USH2A: variants seen among roughly 807,000 people sequenced by gnomAD.
The protein encoded by USH2A is Usher syndrome 2A (autosomal recessive, mild).
In USH2A, 443 loss-of-function variants were observed where a neutral mutation model predicts 538.9. The observed-to-expected ratio is 0.82, with a 90% CI of 0.76 to 0.89. The LOEUF is 0.89. Among genes scored for constraint, USH2A ranks in the 40% least tolerant of loss-of-function variants. USH2A has a pLI of 0.00. For synonymous variants in USH2A, 2,413 were observed against 2,273.5 expected (o/e 1.06, Z -1.75); for missense variants, 6,633 against 6,324.8 (o/e 1.05, Z -1.65).
intron 61 of USH2A, among the ~76,000 whole-genome samples, chr1:215,683,240 C>T (rs1360745206): frequency 1.6e-4 from 4 of 25,030 alleles, no homozygotes; most frequent in African/African-American, 3.4e-4. Context: ...CACACACACA[C>T]ACACACACAC....
intron 60 of USH2A, among the ~76,000 whole-genome samples, chr1:215,729,240 A>T (rs894902326): frequency 2.0e-5 from 3 of 152,196 alleles, no homozygotes; most frequent in African/African-American, 7.2e-5. Flanking sequence ...GGAAGTCCAC[A>T]GTTCCTATTT....
chr1:215,979,126 T>C (rs1445372940), intron 35 of USH2A, among the ~76,000 whole-genome samples: 2 of 152,176 alleles, frequency 1.3e-5, no homozygotes, highest in Non-Finnish European at 2.9e-5. Context: ...ATGTTTTACA[T>C]GGCAGCAGGT....
In USH2A at chr1:216,078,074, C is replaced by G. The variant is rs17026052; in HGVS notation, c.5572+15G>C. The G allele has an allele frequency of 6.2e-7, 1 of 1,613,358 alleles. No individual in the cohort carries two copies. The stretch of plus-strand genomic sequence containing the variant: ...GGGCTGTATGGATTTGTGAATTCCT[C>G]CAGATGGAACTTACCTTGTTCCAAA... On this transcript the variant is annotated intron_variant, in intron 27 of 71. Transcript: ENST00000307340.
In USH2A at chr1:215,674,935, A is replaced by G. The variant is rs1487800939; in HGVS notation, c.12976T>C (p.Phe4326Leu). Residue 4326 changes from phenylalanine (F) to leucine (L), a missense_variant, in exon 63 of 72, where the codon TTT (phenylalanine) becomes CTT (leucine). Physicochemically the swap from Phe to Leu is conservative, Grantham distance 22 (BLOSUM62 0). Coordinates refer to ENST00000307340, the MANE Select transcript of USH2A (RefSeq NM_206933.4). The stretch of plus-strand genomic sequence containing the variant: ...TGGAGTGCATAGCTATAGGTGGAAA[A>G]AGGAAGAAGCTCTTCATCAGTGTAA... The part of the protein sequence containing the change: ...FNYTDEELLP[F>L]STYSYALQAC... The G allele has an allele frequency of 1.2e-5, 20 of 1,614,064 alleles. No individual in the cohort carries two copies. The highest frequency in any genetic ancestry group is 1.4e-5 in the Non-Finnish European group (17 of 1,180,038).
rs1373377191 is a variant in USH2A at position 216,423,442 on chromosome 1, T to C, written c.-433A>G. The C allele has an allele frequency of 1.3e-5, 2 of 152,166 alleles. No individual in the cohort carries two copies. Among genetic ancestry groups the C allele is most frequent in the African/African-American group, 4.8e-5 (2 of 41,442 alleles). 9.4% of individuals were successfully genotyped at this position (152,166 alleles called of 1,614,324 possible). On this transcript the variant is annotated 5_prime_UTR_variant, in exon 1 of 72. Transcript: ENST00000307340. Reference sequence around the variant, plus strand: ...AGCGTGGTCTGCTTGGTGGCCCTCTTGGAACTGAGCTGCCCAAGCTTTCCG... The same window carrying C: ...AGCGTGGTCTGCTTGGTGGCCCTCTCGGAACTGAGCTGCCCAAGCTTTCCG...
At chr1:216,301,926 C>T (rs2037223434) in intron 9 of USH2A, among the ~76,000 whole-genome samples, 2 of 152,238 alleles carry the variant, frequency 1.3e-5, no homozygotes. Context: ...TCAAGGCTTC[C>T]CCTTTCCTCT....
At chr1:215,770,661 G>A (rs1396500229) in intron 55 of USH2A, among the ~76,000 whole-genome samples, 2 of 152,062 alleles carry the variant, frequency 1.3e-5, no homozygotes, top group Non-Finnish European at 2.9e-5. Context: ...TGTACTACTA[G>A]TTGGCCCTCT....
In USH2A at chr1:216,023,459, C is replaced by CAAAAAAAAAAAAAAAAAAAAAAAA; in HGVS notation, c.6326-22898_6326-22897insTTTTTTTTTTTTTTTTTTTTTTTT. ...CCTCTTAAAAACTGTTCAAAGCAGA[C>CAAAAAAAAAAAAAAAAAAAAAAAA]AAAAAAAAAAAAAAAAAAAAAAATC... On this transcript the variant is annotated intron_variant, in intron 32 of 71. Transcript: ENST00000307340. Among the ~76,000 whole-genome samples, 74 of 46,928 alleles carry CAAAAAAAAAAAAAAAAAAAAAAAA rather than the reference C, an allele frequency of 1.6e-3. 1 individual carries two copies. The highest frequency in any genetic ancestry group is 2.8e-3 in the Admixed American group (9 of 3,254). The allele number at this position is 46,928 out of a possible 152,430, so 30.8% of individuals were successfully genotyped here.
chr1:216,333,998 C>A (rs1481774230), intron 4 of USH2A, among the ~76,000 whole-genome samples: 1 of 151,804 alleles, frequency 6.6e-6, no homozygotes, highest in Non-Finnish European at 1.5e-5. Flanking sequence ...TATTAGAGAG[C>A]AATGTAATCC....
intron 11 of USH2A, among the ~76,000 whole-genome samples, chr1:216,254,096 T>C (rs2036214673): frequency 6.6e-6 from 1 of 152,216 alleles, no homozygotes; most frequent in Non-Finnish European, 1.5e-5. Flanking sequence ...TCTTTCTATA[T>C]GAACTCTGCC....
intron 32 of USH2A, among the ~76,000 whole-genome samples, chr1:216,045,777 G>A (rs2030488573): frequency 6.6e-6 from 1 of 152,122 alleles, no homozygotes. Flanking sequence ...GTAATTGCTA[G>A]AAGGATTTAG....
rs1481881572 is a variant in USH2A at position 216,012,011 on chromosome 1, G to A, written c.6326-11449C>T. On this transcript the variant is annotated intron_variant, in intron 32 of 71. Coordinates refer to ENST00000307340, the MANE Select transcript of USH2A (RefSeq NM_206933.4). Reference sequence around the variant, plus strand: ...TTTTTTTTTTTTGAGACGGAGTCTCGCTCTGTCGCCCAGGCCGGACTGCGG... The same window carrying A: ...TTTTTTTTTTTTGAGACGGAGTCTCACTCTGTCGCCCAGGCCGGACTGCGG... 3.6e-4 allele frequency among the ~76,000 whole-genome samples: 20 copies of A among 55,264 alleles called. 6 individuals are homozygous for A. Among genetic ancestry groups the A allele is most frequent in the Non-Finnish European group, 4.9e-4 (15 of 30,390 alleles). The allele number at this position is 55,264 out of a possible 152,430, so 36.3% of individuals were successfully genotyped here.
chr1:215,756,798 C>A (rs1027829264), intron 58 of USH2A, among the ~76,000 whole-genome samples: 2 of 151,976 alleles, frequency 1.3e-5, no homozygotes, highest in African/African-American at 4.8e-5. Flanking sequence ...GTGGTGTGTG[C>A]CTGTAGTCCC....
In USH2A at chr1:215,646,769, C is replaced by A. The variant is rs112502718; in HGVS notation, c.14791+753G>T. On this transcript the variant is annotated intron_variant, in intron 67 of 71. Transcript: ENST00000307340. Reference sequence around the variant, plus strand: ...CTCGAACTCCTGACCTGAGGTGATTCACCCGCCTTGGCCTCCCAAAGTGCT... The same window carrying A: ...CTCGAACTCCTGACCTGAGGTGATTAACCCGCCTTGGCCTCCCAAAGTGCT... 2.3e-3 allele frequency among the ~76,000 whole-genome samples: 347 copies of A among 152,312 alleles called. 2 individuals carry two copies. The highest frequency in any genetic ancestry group is 7.6e-3 in the African/African-American group (317 of 41,586).
At chr1:215,924,030 C>A (rs887619179) in intron 38 of USH2A, among the ~76,000 whole-genome samples, 38 of 151,876 alleles carry the variant, frequency 2.5e-4, no homozygotes, top group African/African-American at 9.2e-4. Context: ...CCAGCCCATT[C>A]GTTTTATCTT....
At chr1:216,088,288 T>G (rs1372913357) in intron 23 of USH2A, among the ~76,000 whole-genome samples, 1 of 152,048 alleles carries the variant, frequency 6.6e-6, no homozygotes, top group Non-Finnish European at 1.5e-5. Context: ...CTCATCTGGC[T>G]TTTTCATTCT....
intron 56 of USH2A, among the ~76,000 whole-genome samples, chr1:215,765,165 C>CAGCAAG (rs1661092055): frequency 6.6e-6 from 1 of 151,992 alleles, no homozygotes; most frequent in African/African-American, 2.4e-5. Flanking sequence ...GTTATTTTAT[C>CAGCAAG]AGGTTGAGTT....
intron 61 of USH2A, among the ~76,000 whole-genome samples, chr1:215,725,256 C>G (rs939404812): frequency 6.6e-6 from 1 of 152,220 alleles, no homozygotes; most frequent in Non-Finnish European, 1.5e-5. Context: ...GATCTGCCCG[C>G]CTCAGCTTCC....
At chr1:215,878,656 G>T (rs1232086603) in intron 42 of USH2A, 108 bp downstream of exon 42, 1 of 1,130,906 alleles carries the variant, frequency 8.8e-7, no homozygotes, top group Non-Finnish European at 1.3e-6. Flanking sequence ...GATATTCAAT[G>T]CCAAATTAGT....
Sources: gnomAD v4.1 joint callset for allele counts (sites outside exome capture counted in the v4.1 genomes callset) on GRCh38, gnomAD v4.1.1 for gene constraint, MANE v1.5 for transcripts, NCBI Gene and HGNC (gene_info 2026-07-23, HGNC 2026-07-21) for gene names.